MNS1: variants seen among roughly 807,000 people sequenced by gnomAD.
MNS1 encodes meiosis-specific nuclear structural protein 1.
A neutral mutation model predicts 72.0 loss-of-function variants in MNS1; 63 were observed. The ratio of observed to expected loss-of-function variants is 0.87; its 90% CI spans 0.71 to 1.08. The LOEUF (loss-of-function observed/expected upper bound fraction) is 1.08, where lower values mean the gene tolerates loss of function less well. Among genes scored for constraint, MNS1 ranks in the 50% least tolerant of loss-of-function variants. The probability of loss-of-function intolerance (pLI) is 0.00; values close to 1 mark genes in which losing one functional copy is unlikely to be tolerated. For missense variants in MNS1, 604 were observed against 562.4 expected (o/e 1.07, Z -0.75); for synonymous variants, 188 against 172.1 (o/e 1.09, Z -0.72).
intron 2 of MNS1, among the ~76,000 whole-genome samples, chr15:56,463,315 T>C (rs1294426337): frequency 6.6e-6 from 1 of 152,120 alleles, no homozygotes; most frequent in Non-Finnish European, 1.5e-5. Flanking sequence ...ACAATTGTAC[T>C]TACATGAACA....
chr15:56,460,034 A>ATATATATATATATATATG (rs1465903004), intron 2 of MNS1, among the ~76,000 whole-genome samples: 6 of 104,154 alleles, frequency 5.8e-5, no homozygotes, highest in African/African-American at 1.7e-4. Context: ...ATATATATAT[A>ATATATATATATATATATG]TGTGACTATA....
chr15:56,449,089 A>G (rs149617082), intron 3 of MNS1, among the ~76,000 whole-genome samples: 197 of 152,272 alleles, frequency 1.3e-3, no homozygotes, highest in African/African-American at 4.5e-3. Context: ...TACACATACA[A>G]TCATATCATC....
rs1325382416 is a variant in MNS1 at position 56,464,170 on chromosome 15, A to G, written c.81T>C (p.His27=). 5 of 1,613,866 alleles carry G rather than the reference A, an allele frequency of 3.1e-6. No individual in the cohort carries two copies. In the African/African-American group the frequency reaches 4.0e-5, roughly 13 times the overall value. ...LVDENYCKKL[H]VQALKNVNSQ... ...TGTTGACGTTTTTTAGAGCTTGGACATGTAATTTTTTGCAGTAGTTTTCAT... is the reference window on the plus strand; with the variant it reads ...TGTTGACGTTTTTTAGAGCTTGGACGTGTAATTTTTTGCAGTAGTTTTCAT... Residue 27 remains histidine, a synonymous_variant, in exon 2 of 10, where the codon CAT becomes CAC. Transcript: ENST00000260453.
At chr15:56,459,149 T>C (rs1323215898) in intron 2 of MNS1, among the ~76,000 whole-genome samples, 2 of 152,192 alleles carry the variant, frequency 1.3e-5, no homozygotes, top group African/African-American at 2.4e-5. Flanking sequence ...CACCTACTTA[T>C]CTATTTTTTG....
intron 3 of MNS1, among the ~76,000 whole-genome samples, chr15:56,450,105 A>T (rs1235001304): frequency 1.3e-5 from 2 of 152,150 alleles, no homozygotes; most frequent in African/African-American, 4.8e-5. Context: ...ATTCCAGAAG[A>T]GAATTTGCAG....
chr15:56,431,634 AATAT>A (rs1398658360), intron 8 of MNS1, 136 bp from the exon 9 acceptor site: 6 of 610,838 alleles, frequency 9.8e-6, no homozygotes. Context: ...GATTCTAGAT[AATAT>A]ATATTTTTAA....
chr15:56,445,556 C>G (rs1427843100), intron 4 of MNS1: 2 of 151,896 alleles, frequency 1.3e-5, no homozygotes, highest in African/African-American at 4.8e-5. Context: ...AAAAATGTTT[C>G]TGATTATCTT....
At chr15:56,444,357 G>T in intron 5 of MNS1, 87 bp downstream of exon 5, 1 of 1,147,368 alleles carries the variant, frequency 8.7e-7, no homozygotes, top group Non-Finnish European at 1.2e-6. Context: ...ATTAGGCACT[G>T]TTCTAGGTGC....
At chr15:56,440,998 CT>C (rs1354501882) in intron 7 of MNS1, among the ~76,000 whole-genome samples, 12 of 152,054 alleles carry the variant, frequency 7.9e-5, no homozygotes, top group African/African-American at 1.4e-4. Flanking sequence ...TTTAACCATT[CT>C]TTTTTCTAAT....
Position 56,464,968 on chromosome 15 carries a change from A to G in MNS1, c.3+2T>C. On this transcript the variant is annotated splice_donor_variant, in intron 1 of 9. Coordinates refer to ENST00000260453, the MANE Select transcript of MNS1 (RefSeq NM_018365.4). LOFTEE classifies it high-confidence loss of function. Reference sequence around the variant, plus strand: ...TAGTTTCAAGTCCCCCAACTGGCTCACCATCTTGGCTGACGAAAAATACCC... The same window carrying G: ...TAGTTTCAAGTCCCCCAACTGGCTCGCCATCTTGGCTGACGAAAAATACCC... 3 of 1,611,148 alleles carry G rather than the reference A, an allele frequency of 1.9e-6. No homozygotes were observed. The African/African-American group carries it at 4.0e-5, about 22-fold the overall frequency.
At chr15:56,463,748 C>A (rs576003728) in intron 2 of MNS1, 5 of 329,678 alleles carry the variant, frequency 1.5e-5, no homozygotes, top group African/African-American at 8.7e-5. Context: ...TGCCACTGCA[C>A]TGCAACCTGG....
At chr15:56,429,717 T>A (rs888200883) in intron 9 of MNS1, 1 of 152,218 alleles carries the variant, frequency 6.6e-6, no homozygotes, top group African/African-American at 2.4e-5. Context: ...TACAGTATAC[T>A]GCAAAAGGCT....
chr15:56,464,161 A>G lies in MNS1; in HGVS notation c.90T>C (p.Ala30=). The change falls in exon 2 of 10, where the codon GCT becomes GCC. Residue 30 remains alanine, a synonymous_variant. Transcript: ENST00000260453. ...ENYCKKLHVQ[A]LKNVNSQIRN... is the part of the protein sequence containing the mutation. ...TGATTTGACTGTTGACGTTTTTTAG[A>G]GCTTGGACATGTAATTTTTTGCAGT... 1 of 1,613,934 alleles carries G rather than the reference A, an allele frequency of 6.2e-7. No individual in the cohort carries two copies. Among genetic ancestry groups the G allele is most frequent in the Non-Finnish European group, 8.5e-7 (1 of 1,179,968 alleles).
At chr15:56,443,355 ACTAT>A (rs1449936661) in intron 7 of MNS1, 71 bp downstream of exon 7, 6 of 1,077,806 alleles carry the variant, frequency 5.6e-6, no homozygotes, top group Non-Finnish European at 7.8e-6. Context: ...ATTTAAATGT[ACTAT>A]CTCTTTTCTG....
chr15:56,454,723 C>G (rs2050970053), intron 3 of MNS1, among the ~76,000 whole-genome samples: 1 of 152,164 alleles, frequency 6.6e-6, no homozygotes, highest in African/African-American at 2.4e-5. Context: ...CACCTCTCTA[C>G]CAGGACTAAA....
chr15:56,458,606 A>G (rs527507146), intron 2 of MNS1, among the ~76,000 whole-genome samples: 27 of 152,272 alleles, frequency 1.8e-4, no homozygotes, highest in African/African-American at 5.8e-4. Flanking sequence ...TGATCTGTCT[A>G]TTCAACCCTT....
At chr15:56,464,579 C>CCCCA (rs5812838) in intron 1 of MNS1, among the ~76,000 whole-genome samples, 49 of 150,506 alleles carry the variant, frequency 3.3e-4, no homozygotes, top group Non-Finnish European at 5.6e-4. Context: ...CCTCATTCCA[C>CCCCA]CCACCACCAC....
intron 8 of MNS1, among the ~76,000 whole-genome samples, chr15:56,432,986 T>G (rs1222994504): frequency 6.6e-6 from 1 of 152,222 alleles, no homozygotes. Flanking sequence ...ATATAAGTAT[T>G]TAGTTTTACG....
In MNS1 at chr15:56,457,607, A is replaced by G. The variant is rs566822418; in HGVS notation, c.226-1086T>C. 2.2e-3 allele frequency among the ~76,000 whole-genome samples: 340 copies of G among 152,270 alleles called. 1 individual carries two copies. Among genetic ancestry groups the G allele is most frequent in the African/African-American group, 7.1e-3 (294 of 41,564 alleles). ...GGAGGCTAAGGTGGGAGGATCCTTAAGGCCAGGAGTTTGAGACCAGCCTGG... is the reference window on the plus strand; with the variant it reads ...GGAGGCTAAGGTGGGAGGATCCTTAGGGCCAGGAGTTTGAGACCAGCCTGG... On this transcript the variant is annotated intron_variant, in intron 2 of 9. Coordinates refer to ENST00000260453, the MANE Select transcript of MNS1 (RefSeq NM_018365.4).
Sources: allele counts gnomAD v4.1 joint callset (sites outside exome capture counted in the v4.1 genomes callset), GRCh38; gene constraint gnomAD v4.1.1; transcripts MANE v1.5; gene names NCBI Gene and HGNC (gene_info 2026-07-23, HGNC 2026-07-21).